Variants in GRIN2B observed in about 807,000 individuals in gnomAD.
The protein encoded by GRIN2B is glutamate receptor ionotropic, NMDA 2B.
GRIN2B carries 5 observed loss-of-function variants against 114.5 expected under a neutral mutation model. That is an observed-to-expected ratio of 0.04 (90% CI 0.02 to 0.09). GRIN2B has a LOEUF of 0.09. GRIN2B is among the 10% of genes least tolerant of loss of function. The pLI, the probability that GRIN2B is intolerant of heterozygous loss-of-function variation, is 1.00. For missense variants in GRIN2B, 1,108 were observed against 1,943.5 expected, an observed-to-expected ratio of 0.57 and a Z score of 8.08; for synonymous variants, 787 against 745.1, an observed-to-expected ratio of 1.06 and a Z score of -0.92.
intron 10 of GRIN2B, among the ~76,000 whole-genome samples, chr12:13,586,769 T>A (rs1417732486): frequency 6.6e-6 from 1 of 152,238 alleles, no homozygotes; most frequent in African/African-American, 2.4e-5. Flanking sequence ...CAAATATTTC[T>A]TATCTACATT....
In GRIN2B at chr12:13,555,433, T is replaced by C. The variant is rs958124841; in HGVS notation, c.*7350A>G. 6.6e-6 allele frequency: 1 copy of C among 152,178 alleles called. No individual in the cohort carries two copies. The highest frequency in any genetic ancestry group is 1.9e-4 in the East Asian group (1 of 5,192). The allele number at this position is 152,178 out of a possible 1,614,324, so 9.4% of individuals were successfully genotyped here. A position where few individuals can be genotyped will look rare whatever the true frequency, so the allele number is the denominator to read the frequency against. On this transcript the variant is annotated 3_prime_UTR_variant, in exon 14 of 14. Coordinates refer to ENST00000609686, the MANE Select transcript of GRIN2B (RefSeq NM_000834.5). The stretch of plus-strand genomic sequence containing the variant: ...AAGTTGGGAAGTGAAAAGATAGCGA[T>C]AGGACAGAAATTCAAGAGTCAAATT...
chr12:13,726,288 A>C (rs1413563039), intron 4 of GRIN2B, among the ~76,000 whole-genome samples: 1 of 151,942 alleles, frequency 6.6e-6, no homozygotes, highest in Non-Finnish European at 1.5e-5. Context: ...TAATCCCAGC[A>C]CTTTGGGAGG....
intron 4 of GRIN2B, among the ~76,000 whole-genome samples, chr12:13,694,654 G>A (rs1412265862): frequency 3.4e-5 from 2 of 58,804 alleles, no homozygotes; most frequent in Non-Finnish European, 6.4e-5. Context: ...GCAAGAAAAT[G>A]TCATATATAT....
chr12:13,956,137 C>T (rs1867586602), intron 2 of GRIN2B, among the ~76,000 whole-genome samples: 1 of 152,124 alleles, frequency 6.6e-6, no homozygotes, highest in South Asian at 2.1e-4. Flanking sequence ...AAGGCAGGAA[C>T]GGCCTGAGCA....
intron 4 of GRIN2B, among the ~76,000 whole-genome samples, chr12:13,730,850 A>T (rs1357011943): frequency 1.3e-5 from 2 of 152,232 alleles, no homozygotes; most frequent in Non-Finnish European, 2.9e-5. Flanking sequence ...AGGTTGGCCC[A>T]CAAATGCCTG....
chr12:13,603,853 G>C (rs1018129466), intron 10 of GRIN2B, among the ~76,000 whole-genome samples: 3 of 151,722 alleles, frequency 2.0e-5, no homozygotes, highest in Admixed American at 1.3e-4. Flanking sequence ...TCAAATTTTG[G>C]CTCTGTCACT....
rs189858305 is a variant in GRIN2B at position 13,663,012 on chromosome 12, A to T, written c.1125+12733T>A. 5.6e-3 allele frequency among the ~76,000 whole-genome samples: 848 copies of T among 152,292 alleles called. 9 individuals are homozygous for T. The highest frequency in any genetic ancestry group is 0.019 in the African/African-American group (789 of 41,576). On this transcript the variant is annotated intron_variant, in intron 5 of 13. Coordinates refer to ENST00000609686, the MANE Select transcript of GRIN2B (RefSeq NM_000834.5). Reference sequence around the variant, plus strand: ...TGTTTTATAGGTCAAAACTCAGATTACTGGGCCTCATCCCTAGAGCTTCTG... The same window carrying T: ...TGTTTTATAGGTCAAAACTCAGATTTCTGGGCCTCATCCCTAGAGCTTCTG...
chr12:13,598,065 A>C (rs888148), intron 10 of GRIN2B, among the ~76,000 whole-genome samples: 151,466 of 152,282 alleles, frequency 0.99, 75,327 homozygotes, highest in Middle Eastern at 1. Context: ...AAAAGAGGAG[A>C]TGCAGAGGCA....
At chr12:13,727,930 T>C (rs1863020026) in intron 4 of GRIN2B, among the ~76,000 whole-genome samples, 1 of 152,224 alleles carries the variant, frequency 6.6e-6, no homozygotes, top group Non-Finnish European at 1.5e-5. Context: ...CCCCTTCTCC[T>C]GGGCATGGAT....
intron 4 of GRIN2B, among the ~76,000 whole-genome samples, chr12:13,713,725 T>C (rs1467427019): frequency 1.3e-5 from 2 of 151,836 alleles, no homozygotes; most frequent in Admixed American, 6.6e-5. Context: ...GAAAAGTACG[T>C]AGAGAGTGGG....
At chr12:13,808,350 G>A (rs1864651546) in intron 3 of GRIN2B, among the ~76,000 whole-genome samples, 1 of 152,056 alleles carries the variant, frequency 6.6e-6, no homozygotes, top group Non-Finnish European at 1.5e-5. Context: ...GGCTCTAATG[G>A]CCCAACTTAC....
intron 2 of GRIN2B, among the ~76,000 whole-genome samples, chr12:13,935,009 T>C (rs1167554040): frequency 6.6e-6 from 1 of 152,192 alleles, no homozygotes; most frequent in African/African-American, 2.4e-5. Context: ...AAGATGCTTG[T>C]TTCCATTTCC....
rs1333995215 is a variant in GRIN2B at position 13,980,250 on chromosome 12, T to TA, written c.-342dup. The TA allele has an allele frequency of 1.2e-4, 19 of 152,240 alleles. No homozygotes were observed. In the East Asian group the frequency reaches 3.5e-3, roughly 28 times the overall value. 9.4% of individuals were successfully genotyped at this position (152,240 alleles called of 1,614,324 possible). ...GATTTTTAACGCTTCTTCTGGCAAT[T>TA]ACGGTTTTTGGTTTTTGGAGCGTTA... is the stretch of plus-strand genomic sequence containing the variant. On this transcript the variant is annotated 5_prime_UTR_variant, in exon 2 of 14. Coordinates refer to ENST00000609686, the MANE Select transcript of GRIN2B (RefSeq NM_000834.5).
chr12:13,703,393 G>C (rs1252040941), intron 4 of GRIN2B, among the ~76,000 whole-genome samples: 1 of 151,914 alleles, frequency 6.6e-6, no homozygotes, highest in African/African-American at 2.4e-5. Flanking sequence ...ATGTTCATTA[G>C]AGCAAATGAA....
At position 13,563,172 on chromosome 12, in the gene GRIN2B, C is replaced by T. The variant is rs796052579; in HGVS notation, c.4066G>A (p.Val1356Met). 5.0e-6 allele frequency: 8 copies of T among 1,614,104 alleles called. No homozygotes were observed. The highest frequency in any genetic ancestry group is 4.0e-5 in the African/African-American group (3 of 74,944). The part of the protein sequence containing the change: ...ESTFANNKSS[V>M]PTAGHHHHNN... Reference sequence around the variant, plus strand: ...TGGTGGTGATGTCCGGCAGTGGGCACTGAGGACTTGTTGTTGGCAAAGGTG... The same window carrying T: ...TGGTGGTGATGTCCGGCAGTGGGCATTGAGGACTTGTTGTTGGCAAAGGTG... The change falls in exon 14 of 14, where the codon GTG (valine) becomes ATG (methionine). Residue 1356 changes from valine (V) to methionine (M), a missense_variant. Physicochemically the swap from Val to Met is conservative, Grantham distance 21 (BLOSUM62 1). Coordinates refer to ENST00000609686, the MANE Select transcript of GRIN2B (RefSeq NM_000834.5).
At chr12:13,877,522 T>G (rs1318924950) in intron 2 of GRIN2B, among the ~76,000 whole-genome samples, 2 of 152,224 alleles carry the variant, frequency 1.3e-5, no homozygotes. Flanking sequence ...TATTATAAGT[T>G]GAAGCTTTAC....
At chr12:13,572,981 G>C (rs2136417333) in intron 10 of GRIN2B, among the ~76,000 whole-genome samples, 1 of 150,170 alleles carries the variant, frequency 6.7e-6, no homozygotes, top group Non-Finnish European at 1.5e-5. Context: ...TCATCATTAA[G>C]AGTTTAAACT....
intron 10 of GRIN2B, among the ~76,000 whole-genome samples, chr12:13,601,358 A>G (rs1949157493): frequency 6.6e-6 from 1 of 152,070 alleles, no homozygotes. Context: ...GTCTGCTTCC[A>G]TCTTCATATG....
At chr12:13,743,494 G>C (rs1221118437) in intron 4 of GRIN2B, among the ~76,000 whole-genome samples, 1 of 151,940 alleles carries the variant, frequency 6.6e-6, no homozygotes, top group African/African-American at 2.4e-5. Context: ...CAATAATGAG[G>C]GAAATTTGAC....
Sources: gnomAD v4.1 joint callset for allele counts (sites outside exome capture counted in the v4.1 genomes callset) on GRCh38, gnomAD v4.1.1 for gene constraint, MANE v1.5 for transcripts, NCBI Gene and HGNC (gene_info 2026-07-23, HGNC 2026-07-21) for gene names.